Variants in COPZ1 observed in about 807,000 individuals in gnomAD.
The protein encoded by COPZ1 is coatomer subunit zeta-1.
COPZ1 carries 4 observed loss-of-function variants against 31.7 expected under a neutral mutation model. The ratio of observed to expected loss-of-function variants is 0.13; its 90% CI spans 0.06 to 0.29. The LOEUF (loss-of-function observed/expected upper bound fraction) is 0.29, where lower values mean the gene tolerates loss of function less well. Among genes scored for constraint, COPZ1 ranks in the 10% least tolerant of loss-of-function variants. The probability of loss-of-function intolerance (pLI) is 1.00; values close to 1 mark genes in which losing one functional copy is unlikely to be tolerated. For synonymous variants in COPZ1, 74 were observed against 79.0 expected, an observed-to-expected ratio of 0.94 and a Z score of 0.33; for missense variants, 156 against 211.5, an observed-to-expected ratio of 0.74 and a Z score of 1.63.
At chr12:54,336,798 CAGATCATG>C (rs1953874482) in intron 1 of COPZ1, among the ~76,000 whole-genome samples, 1 of 151,876 alleles carries the variant, frequency 6.6e-6, no homozygotes, top group Non-Finnish European at 1.5e-5. Context: ...CCGAGGCAGG[CAGATCATG>C]AGGTCAGGAG....
chr12:54,330,976 T>C (rs1211728443), intron 1 of COPZ1, among the ~76,000 whole-genome samples: 1 of 152,162 alleles, frequency 6.6e-6, no homozygotes, highest in African/African-American at 2.4e-5. Flanking sequence ...CTGTCCCTCC[T>C]GTTTTTGGGC....
intron 7 of COPZ1, among the ~76,000 whole-genome samples, chr12:54,349,221 C>T (rs1034328377): frequency 2.6e-5 from 4 of 152,110 alleles, no homozygotes; most frequent in African/African-American, 9.7e-5. Context: ...TCAGGCTTTG[C>T]GGGATCCATT....
rs1020362059 is a variant in COPZ1 at position 54,342,604 on chromosome 12, C to T, written c.169+317C>T. ...GTAAATGGAAGTCTGTAAAGGTGAC[C>T]GCTCTGCATTTTCACCTCCGAAGGA... On this transcript the variant is annotated intron_variant, in intron 3 of 8. Coordinates refer to ENST00000262061, the MANE Select transcript of COPZ1 (RefSeq NM_016057.3). The T allele has an allele frequency of 2.7e-5, 9 of 331,430 alleles. No homozygotes were observed. In the East Asian group the frequency reaches 3.5e-4, roughly 13 times the overall value. The allele number at this position is 331,430 out of a possible 1,614,324, so 20.5% of individuals were successfully genotyped here.
chr12:54,326,331 G>A (rs1953642325), intron 1 of COPZ1, among the ~76,000 whole-genome samples: 1 of 148,112 alleles, frequency 6.8e-6, no homozygotes, highest in African/African-American at 2.5e-5. Flanking sequence ...TAGTAGAGAC[G>A]GAGTTTCACC....
At chr12:54,329,450 G>A (rs558921634) in intron 1 of COPZ1, among the ~76,000 whole-genome samples, 53 of 152,232 alleles carry the variant, frequency 3.5e-4, no homozygotes, top group African/African-American at 1.1e-3. Context: ...GGGCGTGGTG[G>A]CATGCGCTTG....
At chr12:54,347,355 C>T (rs995352901) in intron 5 of COPZ1, among the ~76,000 whole-genome samples, 1 of 152,176 alleles carries the variant, frequency 6.6e-6, no homozygotes, top group Non-Finnish European at 1.5e-5. Flanking sequence ...TTTGTCAGAG[C>T]TTGAGTACAA....
chr12:54,342,655 A>C, intron 3 of COPZ1: 1 of 235,844 alleles, frequency 4.2e-6, no homozygotes, highest in Non-Finnish European at 8.4e-6. Context: ...TCTCATATAC[A>C]AGTAGGGAAA....
chr12:54,347,598 G>C (rs1565597292), intron 5 of COPZ1, among the ~76,000 whole-genome samples, 169 bp from the exon 6 acceptor site: 1 of 152,168 alleles, frequency 6.6e-6, no homozygotes, highest in Non-Finnish European at 1.5e-5. Flanking sequence ...CAAACGAGTA[G>C]AAAGGGGTTT....
chr12:54,343,334 T>A lies in COPZ1; in HGVS notation c.261+18T>A, dbSNP rs766177407. On this transcript the variant is annotated intron_variant, in intron 4 of 8. Coordinates refer to ENST00000262061, the MANE Select transcript of COPZ1 (RefSeq NM_016057.3). ...AAAATGAGGTGAGAATCCCCACCCC[T>A]CTTTGCTATTTCTGATCCTACTTTC... 1.3e-6 allele frequency: 2 copies of A among 1,589,182 alleles called. No individual in the cohort carries two copies. The highest frequency in any genetic ancestry group is 1.7e-6 in the Non-Finnish European group (2 of 1,157,312).
At chr12:54,345,814 G>A (rs1285752411) in intron 5 of COPZ1, among the ~76,000 whole-genome samples, 20 of 152,068 alleles carry the variant, frequency 1.3e-4, no homozygotes, top group African/African-American at 3.4e-4. Flanking sequence ...AAAATTAGCC[G>A]GGCATGGTAG....
chr12:54,334,955 C>A (rs2137092421), intron 1 of COPZ1, among the ~76,000 whole-genome samples: 1 of 152,018 alleles, frequency 6.6e-6, no homozygotes, highest in Middle Eastern at 3.4e-3. Flanking sequence ...AGGCAGATTG[C>A]CTGAGTTCAG....
intron 1 of COPZ1, among the ~76,000 whole-genome samples, chr12:54,337,729 G>A (rs190165775): frequency 6.6e-6 from 1 of 152,306 alleles, no homozygotes; most frequent in East Asian, 1.9e-4. Context: ...GCTTTATTTA[G>A]TATGCTTCCT....
chr12:54,349,592 A>G, intron 7 of COPZ1, 28 bp from the exon 8 acceptor site: 1 of 1,601,998 alleles, frequency 6.2e-7, no homozygotes, highest in Non-Finnish European at 8.6e-7. Flanking sequence ...TTTCTCCCAC[A>G]CTAAATGCTT....
At chr12:54,342,360 C>A in intron 3 of COPZ1, 73 bp downstream of exon 3, 1 of 1,077,750 alleles carries the variant, frequency 9.3e-7, no homozygotes, top group Non-Finnish European at 1.4e-6. Context: ...AACAGGGCTG[C>A]AGAGAAAGGA....
intron 1 of COPZ1, among the ~76,000 whole-genome samples, chr12:54,339,270 A>G (rs922805401): frequency 6.6e-6 from 1 of 151,790 alleles, no homozygotes; most frequent in African/African-American, 2.4e-5. Context: ...AAAAAAAAAA[A>G]AAAAAAAGAA....
chr12:54,327,121 C>G (rs1953670086), intron 1 of COPZ1, among the ~76,000 whole-genome samples: 1 of 150,462 alleles, frequency 6.6e-6, no homozygotes, highest in Non-Finnish European at 1.5e-5. Flanking sequence ...GCTGGGGTTA[C>G]AGGCACGCGC....
At chr12:54,326,961 CTTTTTTTTTTTTTTTTTTTTTTTTT>C (rs60827109) in intron 1 of COPZ1, among the ~76,000 whole-genome samples, 2 of 43,564 alleles carry the variant, frequency 4.6e-5, no homozygotes, top group Non-Finnish European at 4.4e-5. Flanking sequence ...AACAAGTATT[CTTTTTTTTTTTTTTTTTTTTTTTTT>C]TTTTTTTTTT....
intron 4 of COPZ1, among the ~76,000 whole-genome samples, chr12:54,344,338 G>C (rs1477952202): frequency 1.3e-5 from 2 of 152,184 alleles, no homozygotes; most frequent in African/African-American, 4.8e-5. Context: ...CCAGCACTTT[G>C]GGAGGCCGAG....
intron 1 of COPZ1, among the ~76,000 whole-genome samples, chr12:54,330,150 G>A (rs1388370056): frequency 6.6e-6 from 1 of 152,108 alleles, no homozygotes; most frequent in African/African-American, 2.4e-5. Context: ...TAGGGCGCGA[G>A]CAGTGCCAGC....
Sources: allele counts gnomAD v4.1 joint callset (sites outside exome capture counted in the v4.1 genomes callset), GRCh38; gene constraint gnomAD v4.1.1; transcripts MANE v1.5; gene names NCBI Gene and HGNC (gene_info 2026-07-23, HGNC 2026-07-21).